The following POU2F2 variants were observed in gnomAD, a reference collection of about 807,000 sequenced individuals.
The protein encoded by POU2F2 is POU class 2 homeobox 2, also known as POU domain, class 2, transcription factor 2.
Under a neutral mutation model 63.5 loss-of-function variants are expected in POU2F2, and 14 were observed. The observed-to-expected ratio is 0.22, with a 90% CI of 0.15 to 0.34. The LOEUF is 0.34. POU2F2 is among the 10% of genes least tolerant of loss of function. POU2F2 has a pLI of 1.00. For synonymous variants in POU2F2, 306 were observed against 348.6 expected, an observed-to-expected ratio of 0.88 and a Z score of 1.36; for missense variants, 607 against 815.2, an observed-to-expected ratio of 0.74 and a Z score of 3.11.
At chr19:42,133,207 T>G (rs945047803), upstream of POU2F2, among the ~76,000 whole-genome samples, 8 of 152,274 alleles carry the variant, frequency 5.3e-5, no homozygotes, top group South Asian at 1.0e-3. This position sits in a 1 kb window ranked among gnomAD's most constrained non-coding sequence, Gnocchi z 5.1. Flanking sequence ...CTCTTCGCGC[T>G]GCGGCGCTCC....
rs1159465792 is a variant in POU2F2, at chr19:42,155,437, C to G, written c.-9+4895G>C. The stretch of plus-strand genomic sequence containing the variant: ...TCTGGTGTATTCTGGATTCCCCTTT[C>G]TTAGACAATCCCTCTGGCCCTCCTA... On this transcript the variant is annotated intron_variant, in intron 2 of 6. Transcript: ENST00000524801. This position sits in a 1 kb window ranked among gnomAD's most constrained non-coding sequence, Gnocchi z 4.2. 6.6e-6 allele frequency among the ~76,000 whole-genome samples: 1 copy of G among 152,208 alleles called. No individual in the cohort carries two copies. Among genetic ancestry groups the G allele is most frequent in the Admixed American group, 6.5e-5 (1 of 15,284 alleles).
chr19:42,117,888 T>C lies in POU2F2; in HGVS notation c.187-456A>G, dbSNP rs2032133106. 6.6e-6 allele frequency among the ~76,000 whole-genome samples: 1 copy of C among 151,990 alleles called. No homozygotes were observed. The highest frequency in any genetic ancestry group is 2.1e-4 in the South Asian group (1 of 4,820). ...AAGTGGCTTCTGGGTCCCACACCCT[T>C]CATCTGTATCACACAGAGGTACATC... On this transcript the variant is annotated intron_variant, in intron 4 of 14. Transcript: ENST00000692977. This position sits in a 1 kb window ranked among gnomAD's most constrained non-coding sequence, Gnocchi z 4.4.
intron 2 of POU2F2, among the ~76,000 whole-genome samples, chr19:42,160,087 C>T (rs140472335): frequency 3.8e-4 from 58 of 152,238 alleles, no homozygotes; most frequent in Admixed American, 7.2e-4. Flanking sequence ...CCTACTGAGC[C>T]GTAACACTGA....
intron 2 of POU2F2, among the ~76,000 whole-genome samples, chr19:42,145,367 T>A (rs2034209537): frequency 6.6e-6 from 1 of 152,198 alleles, no homozygotes; most frequent in African/African-American, 2.4e-5. Flanking sequence ...AGCCTCTCTG[T>A]GCCTCTCTCA....
At chr19:42,130,240 C>T (rs1045771460) in intron 1 of POU2F2, among the ~76,000 whole-genome samples, 6 of 152,140 alleles carry the variant, frequency 3.9e-5, no homozygotes, top group African/African-American at 1.4e-4. Flanking sequence ...TGTTCTCACA[C>T]CAAGTCACAT....
intron 5 of POU2F2, among the ~76,000 whole-genome samples, chr19:42,101,449 G>A (rs896474925): frequency 2.6e-5 from 4 of 152,148 alleles, no homozygotes; most frequent in Non-Finnish European, 4.4e-5. Context: ...TGGATAACGG[G>A]AAGATGATGT....
At chr19:42,110,654 A>G in intron 5 of POU2F2, 1 of 450,554 alleles carries the variant, frequency 2.2e-6, no homozygotes, top group African/African-American at 2.0e-5. Flanking sequence ...TGGGCCTTGG[A>G]GCCCAGAATC....
chr19:42,192,568 C>A (rs932732202), intron 1 of POU2F2, among the ~76,000 whole-genome samples: 8 of 152,090 alleles, frequency 5.3e-5, no homozygotes, highest in African/African-American at 1.9e-4. Flanking sequence ...AATAATAATT[C>A]TTCTTATTTT....
chr19:42,146,674 C>G (rs1218320632), intron 2 of POU2F2, among the ~76,000 whole-genome samples: 1 of 152,140 alleles, frequency 6.6e-6, no homozygotes, highest in Non-Finnish European at 1.5e-5. Flanking sequence ...CCATTCACAT[C>G]TGTGCAAGAT....
chr19:42,132,476 G>T, upstream of POU2F2: 1 of 1,378,094 alleles, frequency 7.3e-7, no homozygotes, highest in Non-Finnish European at 9.5e-7. Flanking sequence ...TGGGGGCCGA[G>T]CCCTCCCTGC....
intron 1 of POU2F2, among the ~76,000 whole-genome samples, chr19:42,195,059 G>C (rs1218310298): frequency 1.2e-4 from 3 of 25,796 alleles, no homozygotes; most frequent in Admixed American, 1.0e-3. Context: ...GGAAGGGAGG[G>C]AGGGAGGGAG....
intron 1 of POU2F2, among the ~76,000 whole-genome samples, chr19:42,173,529 G>A (rs1001183551): frequency 1.3e-5 from 2 of 151,572 alleles, no homozygotes; most frequent in Admixed American, 6.6e-5. Flanking sequence ...GAATGGAGGT[G>A]GCCTGGAGTG....
chr19:42,151,351 C>A (rs1227211478), intron 2 of POU2F2, among the ~76,000 whole-genome samples: 1 of 152,080 alleles, frequency 6.6e-6, no homozygotes, highest in Non-Finnish European at 1.5e-5. Context: ...CTGCCCTCCC[C>A]CTCGGGTCAA....
intron 1 of POU2F2, among the ~76,000 whole-genome samples, chr19:42,171,111 C>T (rs4602145): frequency 4.6e-5 from 7 of 152,242 alleles, no homozygotes; most frequent in African/African-American, 1.4e-4. Context: ...GTATGACCCT[C>T]GGCCCATGCC....
intron 5 of POU2F2, among the ~76,000 whole-genome samples, chr19:42,101,525 A>G (rs1431891796): frequency 1.2e-4 from 19 of 152,222 alleles, no homozygotes; most frequent in Non-Finnish European, 2.5e-4. Flanking sequence ...AGATCTCTCC[A>G]TCACAGCCCT....
intron 1 of POU2F2, among the ~76,000 whole-genome samples, chr19:42,172,850 G>A (rs904053842): frequency 6.6e-6 from 1 of 152,194 alleles, no homozygotes; most frequent in Non-Finnish European, 1.5e-5. Flanking sequence ...GACATCTCAG[G>A]GGGCAGGGAG....
At chr19:42,151,070 C>T (rs1407084214) in intron 2 of POU2F2, among the ~76,000 whole-genome samples, 2 of 152,238 alleles carry the variant, frequency 1.3e-5, no homozygotes, top group African/African-American at 4.8e-5. Flanking sequence ...ACCTGGCCCC[C>T]TGCTCACTCC....
chr19:42,119,158 A>C (rs1182865006), intron 4 of POU2F2, among the ~76,000 whole-genome samples: 3 of 151,934 alleles, frequency 2.0e-5, no homozygotes, highest in Non-Finnish European at 2.9e-5. Context: ...GTTAAAAAAA[A>C]AAAAGTGCTG....
chr19:42,128,611 C>T (rs2033412869), intron 1 of POU2F2, among the ~76,000 whole-genome samples: 1 of 152,160 alleles, frequency 6.6e-6, no homozygotes, highest in Admixed American at 6.5e-5. Context: ...GGACTAAAAG[C>T]CAAATGACGC....
Sources: allele counts gnomAD v4.1 joint callset (sites outside exome capture counted in the v4.1 genomes callset), GRCh38; gene constraint gnomAD v4.1.1; non-coding constraint Gnocchi (gnomAD v3.1); transcripts MANE v1.5; gene names NCBI Gene and HGNC (gene_info 2026-07-23, HGNC 2026-07-21).